The following RTKN2 variants were observed in gnomAD, a reference collection of about 807,000 sequenced individuals.
The protein encoded by RTKN2 is rhotekin 2.
In RTKN2, 69 loss-of-function variants were observed where a neutral mutation model predicts 71.5. That is an observed-to-expected ratio of 0.96 (90% confidence interval 0.79 to 1.18). The LOEUF is 1.18. Among genes scored for constraint, RTKN2 ranks in the 50% most tolerant of loss-of-function variants. RTKN2 has a pLI of 0.00. For synonymous variants in RTKN2, 236 were observed against 236.5 expected (o/e 1.00, Z 0.02); for missense variants, 724 against 719.7 (o/e 1.01, Z -0.07).
chr10:62,212,503 G>A (rs1194323633), intron 9 of RTKN2, among the ~76,000 whole-genome samples: 1 of 152,062 alleles, frequency 6.6e-6, no homozygotes, highest in Non-Finnish European at 1.5e-5. Context: ...AGGAGTTTGA[G>A]ACCAGCCTGG....
chr10:62,254,245 T>C (rs1842633745), intron 2 of RTKN2, among the ~76,000 whole-genome samples: 1 of 152,120 alleles, frequency 6.6e-6, no homozygotes, highest in Non-Finnish European at 1.5e-5. Context: ...GGGGGCGGAT[T>C]TCCCCCTTGC....
In RTKN2 at chr10:62,194,391, T is replaced by C. The variant is rs1323695910; in HGVS notation, c.*3517A>G. The C allele has an allele frequency of 1.0e-6, 1 of 983,122 alleles. No individual in the cohort carries two copies. The highest frequency in any genetic ancestry group is 1.1e-4 in the East Asian group (1 of 8,808). The allele number at this position is 983,122 out of a possible 1,614,324, so 60.9% of individuals were successfully genotyped here. ...GCCTTTGAAATGTAAGGGGAAAATG[T>C]CAACTTTACATTATAATTTAAGACT... On this transcript the variant is annotated 3_prime_UTR_variant, in exon 12 of 12. Transcript: ENST00000373789.
At chr10:62,199,699 A>T in intron 11 of RTKN2, 55 bp downstream of exon 11, 1 of 1,046,492 alleles carries the variant, frequency 9.6e-7, no homozygotes, top group Non-Finnish European at 1.5e-6. Context: ...CTGCTTCAGT[A>T]TGGACAATGT....
downstream of RTKN2, among the ~76,000 whole-genome samples, chr10:62,188,648 C>T (rs1309511951): frequency 6.6e-6 from 1 of 152,116 alleles, no homozygotes; most frequent in Admixed American, 6.6e-5. Context: ...AGACCCAGTT[C>T]AACTGTTACT....
intron 10 of RTKN2, among the ~76,000 whole-genome samples, chr10:62,200,852 T>C (rs34390319): frequency 0.066 from 10,041 of 152,120 alleles, 418 homozygotes; most frequent in Non-Finnish European, 0.1. Flanking sequence ...GAAGGACACA[T>C]TAAATAAAGG....
chr10:62,248,368 C>T (rs757789702), intron 2 of RTKN2, among the ~76,000 whole-genome samples: 1 of 152,056 alleles, frequency 6.6e-6, no homozygotes, highest in Non-Finnish European at 1.5e-5. Flanking sequence ...TCTAATTAAT[C>T]CAAATTGACA....
chr10:62,218,575 GTTTGAT>G (rs1841831076), intron 7 of RTKN2, among the ~76,000 whole-genome samples: 8 of 151,502 alleles, frequency 5.3e-5, no homozygotes, highest in Admixed American at 4.0e-4. Flanking sequence ...TTAGTCTCTT[GTTTGAT>G]TTTAATTATT....
intron 2 of RTKN2, among the ~76,000 whole-genome samples, chr10:62,257,840 C>T (rs1330313188): frequency 6.6e-6 from 1 of 152,110 alleles, no homozygotes; most frequent in African/African-American, 2.4e-5. Context: ...GCCACGATAC[C>T]TCTAAATTGA....
In RTKN2 at chr10:62,194,316, G is replaced by A. The variant is rs1841280486; in HGVS notation, c.*3592C>T. ...TCATTTAACTATTAATAGCAATGAA[G>A]CAGTTGCACACAAACATGTAAACAT... On this transcript the variant is annotated 3_prime_UTR_variant, in exon 12 of 12. Transcript: ENST00000373789. 1 of 983,424 alleles carries A rather than the reference G, an allele frequency of 1.0e-6. No homozygotes were observed. The highest frequency in any genetic ancestry group is 1.2e-6 in the Non-Finnish European group (1 of 828,168). The allele number at this position is 983,424 out of a possible 1,614,324, so 60.9% of individuals were successfully genotyped here.
In RTKN2 at chr10:62,268,734, C is replaced by G; in HGVS notation, c.-124G>C. ...CGTACCAAGTCCCAGTCGCAGGGGC[C>G]GGGGGCGCAGGAGGAGCCGGGCCGA... is the stretch of plus-strand genomic sequence containing the variant. On this transcript the variant is annotated 5_prime_UTR_variant, in exon 1 of 12. Transcript: ENST00000373789. 1 of 1,028,910 alleles carries G rather than the reference C, an allele frequency of 9.7e-7. No individual in the cohort carries two copies. The highest frequency in any genetic ancestry group is 1.4e-6 in the Non-Finnish European group (1 of 714,070). 63.7% of individuals were successfully genotyped at this position (1,028,910 alleles called of 1,614,324 possible).
chr10:62,253,567 CA>C (rs1286601793), intron 2 of RTKN2, among the ~76,000 whole-genome samples: 1 of 151,956 alleles, frequency 6.6e-6, no homozygotes, highest in Non-Finnish European at 1.5e-5. Context: ...GTCATGAAAA[CA>C]GACCATATTA....
chr10:62,233,190 C>T (rs994074672), intron 6 of RTKN2, among the ~76,000 whole-genome samples: 1 of 152,138 alleles, frequency 6.6e-6, no homozygotes, highest in Non-Finnish European at 1.5e-5. Context: ...ATAAAAGACA[C>T]TACTGGTCCT....
Position 62,194,498 on chromosome 10 carries a change from A to C in RTKN2, c.*3410T>G. The C allele has an allele frequency of 6.1e-6, 6 of 983,620 alleles. No individual in the cohort carries two copies. Among genetic ancestry groups the C allele is most frequent in the Non-Finnish European group, 7.2e-6 (6 of 828,246 alleles). The allele number at this position is 983,620 out of a possible 1,614,324, so 60.9% of individuals were successfully genotyped here. The stretch of plus-strand genomic sequence containing the variant: ...TTCAATAATTCACTCTTTAACAAGA[A>C]AATGAGTTTTGATAAATTCAGACCA... On this transcript the variant is annotated 3_prime_UTR_variant, in exon 12 of 12. Coordinates refer to ENST00000373789, the MANE Select transcript of RTKN2 (RefSeq NM_145307.4).
chr10:62,261,316 G>C (rs779812597), intron 2 of RTKN2, among the ~76,000 whole-genome samples: 2 of 152,108 alleles, frequency 1.3e-5, no homozygotes, highest in Non-Finnish European at 2.9e-5. Flanking sequence ...CATGCCCACT[G>C]TAAGGAAGGA....
At position 62,197,769 on chromosome 10, in the gene RTKN2, T is replaced by C; in HGVS notation, c.*139A>G. Reference sequence around the variant, plus strand: ...AAATCCACTTCTTCATTATAAAATGTTTTTCTATACCTAATAGCTTATTAA... The same window carrying C: ...AAATCCACTTCTTCATTATAAAATGCTTTTCTATACCTAATAGCTTATTAA... On this transcript the variant is annotated 3_prime_UTR_variant, in exon 12 of 12. Coordinates refer to ENST00000373789, the MANE Select transcript of RTKN2 (RefSeq NM_145307.4). 1 of 1,415,630 alleles carries C rather than the reference T, an allele frequency of 7.1e-7. No homozygotes were observed. Among genetic ancestry groups the C allele is most frequent in the South Asian group, 1.6e-5 (1 of 60,834 alleles). The allele number at this position is 1,415,630 out of a possible 1,614,324, so 87.7% of individuals were successfully genotyped here.
intron 5 of RTKN2, among the ~76,000 whole-genome samples, chr10:62,237,013 T>C (rs1403296883): frequency 1.3e-5 from 2 of 151,812 alleles, no homozygotes; most frequent in East Asian, 3.9e-4. Context: ...GGACACAAAA[T>C]AGCAGATATG....
rs200457241 is a variant in RTKN2, at chr10:62,195,602, G to GGAATGAAT, written c.*2305_*2306insATTCATTC. ...AGGAGGGAAGGAGAGACGGACAGAG[G>GGAATGAAT]GAATGAAGGAAGGAAGGAAGGAAGG... On this transcript the variant is annotated 3_prime_UTR_variant, in exon 12 of 12. Coordinates refer to ENST00000373789, the MANE Select transcript of RTKN2 (RefSeq NM_145307.4). 3.7e-5 allele frequency: 6 copies of GGAATGAAT among 164,050 alleles called. No homozygotes were observed. The highest frequency in any genetic ancestry group is 1.0e-3 in the East Asian group (2 of 1,940). 10.2% of individuals were successfully genotyped at this position (164,050 alleles called of 1,614,324 possible). A position where few individuals can be genotyped will look rare whatever the true frequency, so the allele number is the denominator to read the frequency against.
At chr10:62,259,985 T>C (rs7094950) in intron 2 of RTKN2, among the ~76,000 whole-genome samples, 86,399 of 152,098 alleles carry the variant, frequency 0.57, 25,080 homozygotes, top group East Asian at 0.89. Context: ...TTCACACTTA[T>C]TGGATTCTTC....
intron 3 of RTKN2, among the ~76,000 whole-genome samples, chr10:62,241,607 C>G (rs1842376182): frequency 6.6e-6 from 1 of 152,064 alleles, no homozygotes; most frequent in Non-Finnish European, 1.5e-5. Context: ...TTGACAGGGT[C>G]TTGCTCTGTT....
Sources: allele counts gnomAD v4.1 joint callset (sites outside exome capture counted in the v4.1 genomes callset), GRCh38; gene constraint gnomAD v4.1.1; transcripts MANE v1.5; gene names NCBI Gene and HGNC (gene_info 2026-07-23, HGNC 2026-07-21).